Variants in PRKAR2A observed in about 807,000 individuals in gnomAD.
PRKAR2A encodes the protein cAMP-dependent protein kinase type II-alpha regulatory subunit.
Under a neutral mutation model 51.9 loss-of-function variants are expected in PRKAR2A, and 29 were observed. The observed-to-expected ratio is 0.56, with a 90% CI of 0.42 to 0.76. The LOEUF is 0.76. PRKAR2A is among the 30% of genes least tolerant of loss of function. The probability of loss-of-function intolerance (pLI) is 0.00; values close to 1 mark genes in which losing one functional copy is unlikely to be tolerated. For synonymous variants in PRKAR2A, 178 were observed against 186.2 expected, an observed-to-expected ratio of 0.96 and a Z score of 0.36; for missense variants, 445 against 512.1, an observed-to-expected ratio of 0.87 and a Z score of 1.26.
chr3:48,828,604 C>T (rs532345097), intron 1 of PRKAR2A, among the ~76,000 whole-genome samples: 32 of 151,358 alleles, frequency 2.1e-4, no homozygotes, highest in Middle Eastern at 3.4e-3. Context: ...CGCCTCTGGT[C>T]CCAGCTACTC....
intron 1 of PRKAR2A, among the ~76,000 whole-genome samples, chr3:48,824,982 C>CATATCAAAT (rs1163523581): frequency 6.7e-6 from 1 of 148,916 alleles, no homozygotes; most frequent in Non-Finnish European, 1.5e-5. Flanking sequence ...TGAACTCAAA[C>CATATCAAAT]ATATCAAATA....
intron 1 of PRKAR2A, among the ~76,000 whole-genome samples, chr3:48,825,469 C>T (rs1463921267): frequency 2.6e-5 from 4 of 152,060 alleles, no homozygotes; most frequent in Non-Finnish European, 5.9e-5. Context: ...CAGACCCTGG[C>T]ACACATAGAC....
At chr3:48,799,210 T>C (rs1461928638) in intron 2 of PRKAR2A, among the ~76,000 whole-genome samples, 19 of 152,148 alleles carry the variant, frequency 1.2e-4, no homozygotes, top group Admixed American at 1.2e-3. Context: ...TCAAACATTA[T>C]ATTGTGTGTC....
chr3:48,764,390 G>A (rs1282129181), intron 8 of PRKAR2A, among the ~76,000 whole-genome samples: 1 of 152,186 alleles, frequency 6.6e-6, no homozygotes, highest in Non-Finnish European at 1.5e-5. Context: ...TTAGAGGACA[G>A]AACTCTTTAA....
chr3:48,783,475 A>G (rs2082235727), intron 4 of PRKAR2A, among the ~76,000 whole-genome samples: 1 of 152,244 alleles, frequency 6.6e-6, no homozygotes, highest in Admixed American at 6.5e-5. Context: ...TAACAGGAGC[A>G]TCAGATCTAA....
chr3:48,784,867 C>T (rs1199383546), intron 4 of PRKAR2A, among the ~76,000 whole-genome samples: 7 of 152,080 alleles, frequency 4.6e-5, no homozygotes, highest in African/African-American at 7.2e-5. Context: ...GTTGCAGTTT[C>T]CAAGACTACC....
chr3:48,778,485 C>T (rs1329576966), intron 5 of PRKAR2A, among the ~76,000 whole-genome samples: 1 of 151,868 alleles, frequency 6.6e-6, no homozygotes, highest in South Asian at 2.1e-4. Context: ...CCATGCCTGG[C>T]AAATTTTTTA....
At chr3:48,768,130 C>T (rs374564869) in intron 6 of PRKAR2A, among the ~76,000 whole-genome samples, 81 of 150,982 alleles carry the variant, frequency 5.4e-4, no homozygotes, top group African/African-American at 1.9e-3. Flanking sequence ...CCCATCTGTA[C>T]AAAAAATACA....
chr3:48,755,935 T>C (rs1419604792), intron 9 of PRKAR2A, among the ~76,000 whole-genome samples: 4 of 152,034 alleles, frequency 2.6e-5, no homozygotes, highest in Admixed American at 2.6e-4. Context: ...CCCGCCACCA[T>C]GCCTGGCTAA....
At chr3:48,824,622 C>T (rs1467566293) in intron 1 of PRKAR2A, among the ~76,000 whole-genome samples, 1 of 151,488 alleles carries the variant, frequency 6.6e-6, no homozygotes, top group Non-Finnish European at 1.5e-5. Context: ...GCACATGTAC[C>T]TCCTGAACCT....
chr3:48,750,435 A>G lies in PRKAR2A; in HGVS notation c.*1150T>C, dbSNP rs1575829259. The G allele has an allele frequency of 6.6e-6, 1 of 152,330 alleles. No homozygotes were observed. Among genetic ancestry groups the G allele is most frequent in the East Asian group, 1.9e-4 (1 of 5,198 alleles). The allele number at this position is 152,330 out of a possible 1,614,324, so 9.4% of individuals were successfully genotyped here. ...TCACTCTGTTGCCTAGGCTGGTCTT[A>G]AGCGATCCTCCCAGCTCAGCCTCCC... On this transcript the variant is annotated 3_prime_UTR_variant, in exon 11 of 11. Coordinates refer to ENST00000265563, the MANE Select transcript of PRKAR2A (RefSeq NM_004157.4).
intron 1 of PRKAR2A, among the ~76,000 whole-genome samples, chr3:48,808,426 T>C (rs566582803): frequency 1.7e-4 from 26 of 152,360 alleles, no homozygotes; most frequent in Admixed American, 7.8e-4. Context: ...GCTAATGTGT[T>C]GTATTTTTAG....
chr3:48,762,310 G>A (rs1048054601), intron 8 of PRKAR2A, among the ~76,000 whole-genome samples: 1 of 152,110 alleles, frequency 6.6e-6, no homozygotes, highest in Non-Finnish European at 1.5e-5. Flanking sequence ...AGAGAAACTG[G>A]AATTTTCATA....
rs2082316065 is a variant in PRKAR2A at position 48,787,593 on chromosome 3, G to C, written c.435+2951C>G. ...AACTTTAATGGTATAAAATTTACAA[G>C]AGGTTTTATTCACAGATAAAGAAGC... is the stretch of plus-strand genomic sequence containing the variant. On this transcript the variant is annotated intron_variant, in intron 4 of 10. Transcript: ENST00000265563. 3.9e-5 allele frequency among the ~76,000 whole-genome samples: 6 copies of C among 152,178 alleles called. No homozygotes were observed. The South Asian group carries it at 8.3e-4, about 21-fold the overall frequency.
intron 1 of PRKAR2A, among the ~76,000 whole-genome samples, chr3:48,837,805 G>GAA (rs575962722): frequency 3.1e-5 from 4 of 130,200 alleles, no homozygotes; most frequent in East Asian, 2.2e-4. Context: ...GTGGAAAAAG[G>GAA]AAAAAAAAAA....
chr3:48,755,613 T>TG (rs1276540113), intron 9 of PRKAR2A, among the ~76,000 whole-genome samples: 1 of 151,176 alleles, frequency 6.6e-6, no homozygotes, highest in East Asian at 1.9e-4. Flanking sequence ...TCTTTCCTTT[T>TG]TTTTTTTTTT....
At chr3:48,829,920 G>A (rs1473792542) in intron 1 of PRKAR2A, among the ~76,000 whole-genome samples, 2 of 137,302 alleles carry the variant, frequency 1.5e-5, no homozygotes, top group Admixed American at 7.5e-5. Context: ...GACACAAGCC[G>A]GGCACAGTGG....
chr3:48,809,944 C>T (rs1358631858), intron 1 of PRKAR2A, among the ~76,000 whole-genome samples: 1 of 152,052 alleles, frequency 6.6e-6, no homozygotes. Flanking sequence ...CATCTGTTCT[C>T]CCTCCCACTT....
At chr3:48,807,726 C>G (rs774860763) in intron 1 of PRKAR2A, 42 bp from the exon 2 acceptor site, 1 of 1,560,748 alleles carries the variant, frequency 6.4e-7, no homozygotes, top group South Asian at 1.1e-5. Context: ...ATTATGTCAC[C>G]AGGCCGCATT....
Sources: allele counts gnomAD v4.1 joint callset (sites outside exome capture counted in the v4.1 genomes callset), GRCh38; gene constraint gnomAD v4.1.1; transcripts MANE v1.5; gene names NCBI Gene and HGNC (gene_info 2026-07-23, HGNC 2026-07-21).